LRRC37A: variants seen among roughly 807,000 people sequenced by gnomAD.
The protein encoded by LRRC37A is leucine rich repeat containing 37A.
A neutral mutation model predicts 35.4 loss-of-function variants in LRRC37A; 3 were observed. The ratio of observed to expected loss-of-function variants is 0.08; its 90% CI spans 0.04 to 0.22. The LOEUF is 0.22. LRRC37A is among the 10% of genes least tolerant of loss of function. The probability of loss-of-function intolerance (pLI) is 1.00; values close to 1 mark genes in which losing one functional copy is unlikely to be tolerated. For synonymous variants in LRRC37A, 23 were observed against 215.0 expected (o/e 0.11, Z 7.81); for missense variants, 67 against 565.3 (o/e 0.12, Z 8.94).
intron 5 of LRRC37A, among the ~76,000 whole-genome samples, chr17:46,317,146 G>T (rs1466346210): frequency 4.8e-5 from 4 of 82,592 alleles, no homozygotes; most frequent in South Asian, 4.9e-4. Context: ...CAGATGGGGT[G>T]GCGGCCGGGC....
In LRRC37A at chr17:46,305,035, ATT is replaced by A. The variant is rs1183070261; in HGVS notation, c.2754-459_2754-458del. 9.5e-5 allele frequency among the ~76,000 whole-genome samples: 6 copies of A among 63,222 alleles called. No individual in the cohort carries two copies. In the Admixed American group the frequency reaches 1.2e-3, roughly 13 times the overall value. The allele number at this position is 63,222 out of a possible 152,430, so 41.5% of individuals were successfully genotyped here. A position where few individuals can be genotyped will look rare whatever the true frequency, so the allele number is the denominator to read the frequency against. On this transcript the variant is annotated intron_variant, in intron 3 of 13. Transcript: ENST00000320254. ...AGGCACGTGCCACTAGGCCCGGCTA[ATT>A]TTTTTTTTTTTTTTGTAGAGACAGG...
At chr17:46,256,171 G>T in the LRRC37A span, among the ~76,000 whole-genome samples, 1 of 152,094 alleles carries the variant, frequency 6.6e-6, no homozygotes, top group African/African-American at 2.4e-5. Context: ...GATCACTTGA[G>T]ATCAGGCGTT....
the LRRC37A span, among the ~76,000 whole-genome samples, chr17:46,283,738 C>T: frequency 4.6e-5 from 7 of 152,214 alleles, no homozygotes; most frequent in South Asian, 2.1e-4. Flanking sequence ...AGGGTACCTG[C>T]GTTCAGCATA....
chr17:46,278,944 C>G, the LRRC37A span, among the ~76,000 whole-genome samples: 2 of 151,926 alleles, frequency 1.3e-5, no homozygotes, highest in Non-Finnish European at 2.9e-5. Flanking sequence ...ATTACAGGTG[C>G]CTGCCACCAC....
At chr17:46,264,750 C>T in the LRRC37A span, among the ~76,000 whole-genome samples, 2 of 152,248 alleles carry the variant, frequency 1.3e-5, no homozygotes, top group South Asian at 2.1e-4. Context: ...TGTTGCCACC[C>T]CAGGAGGCTC....
chr17:46,253,555 C>T, the LRRC37A span, among the ~76,000 whole-genome samples: 37 of 152,332 alleles, frequency 2.4e-4, no homozygotes, highest in East Asian at 4.6e-3. Context: ...GAGACCAGCC[C>T]GGCCAACGCA....
At chr17:46,330,681 A>G in exon 9 of LRRC37A, 1 of 303,754 alleles carries the variant, frequency 3.3e-6, no homozygotes, top group Admixed American at 4.9e-5. Context: ...CTAGATGTGA[A>G]ATCACTGTTA....
At chr17:46,289,234 C>T (rs1282699292), upstream of LRRC37A, among the ~76,000 whole-genome samples, 1 of 152,164 alleles carries the variant, frequency 6.6e-6, no homozygotes, top group Non-Finnish European at 1.5e-5. Flanking sequence ...CCTGCCTGGA[C>T]TGCAGTGACA....
At chr17:46,291,560 C>A (rs2532424), upstream of LRRC37A, among the ~76,000 whole-genome samples, 28,191 of 150,802 alleles carry the variant, frequency 0.19, 2,705 homozygotes, top group East Asian at 0.37. Flanking sequence ...AAGAAAACAA[C>A]ACTCCTCTCA....
chr17:46,258,596 G>GTGGCTAAACCACATTTAGCC, the LRRC37A span, among the ~76,000 whole-genome samples: 1 of 152,074 alleles, frequency 6.6e-6, no homozygotes, highest in Non-Finnish European at 1.5e-5. Context: ...ATCAATCAAT[G>GTGGCTAAACCACATTTAGCC]AGTGGCTAAA....
chr17:46,275,570 T>G, the LRRC37A span, among the ~76,000 whole-genome samples: 2 of 152,250 alleles, frequency 1.3e-5, no homozygotes, highest in Non-Finnish European at 2.9e-5. Flanking sequence ...TTAAGAAATT[T>G]TTAACCTATA....
chr17:46,251,384 G>A, the LRRC37A span, among the ~76,000 whole-genome samples: 1 of 151,620 alleles, frequency 6.6e-6, no homozygotes, highest in Non-Finnish European at 1.5e-5. Flanking sequence ...TCAGCCTCCC[G>A]AGTAGCTGGG....
At chr17:46,332,873 A>C (rs1198929839) in intron 10 of LRRC37A, among the ~76,000 whole-genome samples, 1 of 150,424 alleles carries the variant, frequency 6.6e-6, no homozygotes, top group African/African-American at 2.5e-5. Context: ...GTGAATTGAA[A>C]CCAAGTGAAT....
the LRRC37A span, among the ~76,000 whole-genome samples, chr17:46,263,854 CAAAAAAA>C: frequency 1.0e-5 from 1 of 96,228 alleles, no homozygotes. Flanking sequence ...GACTCTGTCT[CAAAAAAA>C]AAAAAAAAAA....
chr17:46,250,363 A>G, the LRRC37A span, among the ~76,000 whole-genome samples: 3 of 152,232 alleles, frequency 2.0e-5, no homozygotes, highest in Non-Finnish European at 2.9e-5. Flanking sequence ...GATTGGATTG[A>G]AGGATACAAA....
At chr17:46,255,865 C>T in the LRRC37A span, among the ~76,000 whole-genome samples, 1 of 151,046 alleles carries the variant, frequency 6.6e-6, no homozygotes, top group African/African-American at 2.4e-5. Context: ...TTAGTGGACA[C>T]GGGGTTTCAC....
the LRRC37A span, among the ~76,000 whole-genome samples, chr17:46,286,365 G>A: frequency 5.3e-5 from 8 of 152,232 alleles, no homozygotes; most frequent in African/African-American, 1.9e-4. Flanking sequence ...CTGAAAACAA[G>A]TCACAAATCT....
chr17:46,274,214 T>G, the LRRC37A span, among the ~76,000 whole-genome samples: 1 of 152,274 alleles, frequency 6.6e-6, no homozygotes, highest in Non-Finnish European at 1.5e-5. Flanking sequence ...TATCTCCATT[T>G]ATTTTGTTTC....
the LRRC37A span, among the ~76,000 whole-genome samples, chr17:46,260,911 C>A: frequency 6.6e-6 from 1 of 152,218 alleles, no homozygotes; most frequent in East Asian, 1.9e-4. Context: ...GCATGAGCCA[C>A]CGTGCCCCGT....
Sources: allele counts gnomAD v4.1 joint callset (sites outside exome capture counted in the v4.1 genomes callset), GRCh38; gene constraint gnomAD v4.1.1; transcripts MANE v1.5; gene names NCBI Gene and HGNC (gene_info 2026-07-23, HGNC 2026-07-21).